NREP: variants seen among roughly 807,000 people sequenced by gnomAD.
NREP encodes neuronal regeneration related protein, also known as neuronal regeneration-related protein.
NREP carries 5 observed loss-of-function variants against 8.6 expected under a neutral mutation model. The ratio of observed to expected loss-of-function variants is 0.58; its 90% CI spans 0.30 to 1.22. NREP has a LOEUF of 1.22. Among genes scored for constraint, NREP ranks in the 50% most tolerant of loss-of-function variants. The pLI, the probability that NREP is intolerant of heterozygous loss-of-function variation, is 0.07. For synonymous variants in NREP, 27 were observed against 28.0 expected, an observed-to-expected ratio of 0.96 and a Z score of 0.11; for missense variants, 86 against 82.5, an observed-to-expected ratio of 1.04 and a Z score of -0.17.
chr5:111,750,722 A>T (rs1227018772), intron 2 of NREP, among the ~76,000 whole-genome samples: 1 of 152,234 alleles, frequency 6.6e-6, no homozygotes, highest in African/African-American at 2.4e-5. Context: ...GAAGGCTAGA[A>T]AGTTCCAATA....
upstream of NREP, chr5:111,757,625 A>T: frequency 1.0e-6 from 1 of 982,712 alleles, no homozygotes; most frequent in Non-Finnish European, 1.2e-6. Context: ...GCGCCCCGAC[A>T]CCCCGCACCC....
At position 111,950,878 on chromosome 5, in the gene NREP, T is replaced by C. The variant is rs144956355; in HGVS notation, c.135+24396A>G. On this transcript the variant is annotated intron_variant, in intron 2 of 3. Coordinates refer to the NREP transcript ENST00000395634. ...AAAAAGGTCTAGGAAATAGTATGAG[T>C]ACTGCTTTACTCACCATTTGTGCAT... 2.5e-3 allele frequency among the ~76,000 whole-genome samples: 384 copies of C among 152,142 alleles called. 4 individuals are homozygous for C. Among genetic ancestry groups the C allele is most frequent in the African/African-American group, 8.6e-3 (359 of 41,532 alleles).
At chr5:111,873,012 T>C (rs1176216395) in intron 2 of NREP, among the ~76,000 whole-genome samples, 2 of 152,150 alleles carry the variant, frequency 1.3e-5, no homozygotes, top group African/African-American at 4.8e-5. Context: ...GTAGGTCGCA[T>C]CACTTATTTA....
At position 111,915,523 on chromosome 5, in the gene NREP, G is replaced by A. The variant is rs560401312; in HGVS notation, c.135+59751C>T. 1.1e-4 allele frequency among the ~76,000 whole-genome samples: 16 copies of A among 152,054 alleles called. No homozygotes were observed. In the East Asian group the frequency reaches 3.1e-3, roughly 30 times the overall value. On this transcript the variant is annotated intron_variant, in intron 2 of 3. Transcript: ENST00000395634. ...GGAAACCGGAACTCAAAAGCACTTA[G>A]GTCCTAGTGCCTCTCTTCCAACCAT... is the stretch of plus-strand genomic sequence containing the variant.
intron 2 of NREP, among the ~76,000 whole-genome samples, chr5:111,833,882 C>A (rs368186982): frequency 2.5e-4 from 38 of 152,276 alleles, no homozygotes; most frequent in African/African-American, 7.9e-4. Flanking sequence ...GCACTGAATT[C>A]CTTTGTTTCA....
chr5:111,792,969 G>A (rs959068570), intron 2 of NREP, among the ~76,000 whole-genome samples: 1 of 152,100 alleles, frequency 6.6e-6, no homozygotes, highest in Non-Finnish European at 1.5e-5. Flanking sequence ...GCTTTTGGAA[G>A]TTGAACATCA....
intron 2 of NREP, among the ~76,000 whole-genome samples, chr5:111,858,835 C>T (rs1332279362): frequency 6.6e-6 from 1 of 152,104 alleles, no homozygotes; most frequent in Non-Finnish European, 1.5e-5. Context: ...ATGCTCCAAA[C>T]AACCTTACGA....
intron 2 of NREP, among the ~76,000 whole-genome samples, chr5:111,954,490 C>CT: frequency 6.6e-6 from 1 of 152,064 alleles, no homozygotes; most frequent in Non-Finnish European, 1.5e-5. Flanking sequence ...AAGAGTGGTA[C>CT]TTTTTTAGAA....
Position 111,975,391 on chromosome 5 carries a change from C to T in NREP, c.31-13G>A, listed in dbSNP as rs766834241. ...CTTCTCTTCGGCTCTGCAGACAAGA[C>T]ACATGGTAGAAAACGTGAGCACTGA... On this transcript the variant is annotated splice_polypyrimidine_tract_variant and intron_variant, in intron 1 of 3. Coordinates refer to the NREP transcript ENST00000395634. 3.6e-5 allele frequency: 56 copies of T among 1,547,874 alleles called. No homozygotes were observed. The East Asian group carries it at 7.3e-4, about 20-fold the overall frequency.
At chr5:111,941,431 CCT>C (rs1014907257) in intron 2 of NREP, among the ~76,000 whole-genome samples, 1 of 151,982 alleles carries the variant, frequency 6.6e-6, no homozygotes, top group Non-Finnish European at 1.5e-5. Flanking sequence ...TCTTCTGAGG[CCT>C]CTCTCATTGG....
chr5:111,873,049 G>T (rs1753825448), intron 2 of NREP, among the ~76,000 whole-genome samples: 1 of 152,110 alleles, frequency 6.6e-6, no homozygotes, highest in Non-Finnish European at 1.5e-5. Flanking sequence ...GAGCTACTAA[G>T]CCTTCATTTG....
At chr5:111,802,680 A>G (rs1424047615) in intron 2 of NREP, among the ~76,000 whole-genome samples, 3 of 152,260 alleles carry the variant, frequency 2.0e-5, no homozygotes, top group Admixed American at 1.3e-4. Flanking sequence ...CATGTCTTTC[A>G]GCACATGTTA....
chr5:111,796,386 T>C (rs1206163469), intron 2 of NREP, among the ~76,000 whole-genome samples: 1 of 152,212 alleles, frequency 6.6e-6, no homozygotes, highest in Non-Finnish European at 1.5e-5. Context: ...CCCTTTGCCA[T>C]GTAAGATAAC....
chr5:111,852,660 G>A (rs759871303), intron 2 of NREP, among the ~76,000 whole-genome samples: 6 of 152,076 alleles, frequency 3.9e-5, no homozygotes, highest in East Asian at 1.9e-4. Context: ...TCCATTTTTT[G>A]TGGGGGAGGG....
At position 111,776,596 on chromosome 5, in the gene NREP, T is replaced by C. The variant is rs200514702; in HGVS notation, c.136-41089A>G. 2.0e-5 allele frequency among the ~76,000 whole-genome samples: 3 copies of C among 152,162 alleles called. 1 individual carries two copies. In the East Asian group the frequency reaches 5.8e-4, roughly 29 times the overall value. On this transcript the variant is annotated intron_variant, in intron 2 of 3. Coordinates refer to the NREP transcript ENST00000395634. ...CATCAACAAGAGAATGAATAAATAGTCGTCGATTCATACAATGGAATAATA... is the reference window on the plus strand; with the variant it reads ...CATCAACAAGAGAATGAATAAATAGCCGTCGATTCATACAATGGAATAATA...
At chr5:111,952,602 T>G (rs1756191883) in intron 2 of NREP, among the ~76,000 whole-genome samples, 1 of 152,076 alleles carries the variant, frequency 6.6e-6, no homozygotes, top group Non-Finnish European at 1.5e-5. Flanking sequence ...GAAGAAAGAA[T>G]CTCCTGTGTG....
In NREP at chr5:111,861,401, G is replaced by C. The variant is rs187291568; in HGVS notation, c.135+113873C>G. Among the ~76,000 whole-genome samples, 25 of 152,262 alleles carry C rather than the reference G, an allele frequency of 1.6e-4. 1 individual carries two copies. The highest frequency in any genetic ancestry group is 5.8e-4 in the African/African-American group (24 of 41,568). Reference sequence around the variant, plus strand: ...AAGAAGGTGCTAAAGGCAAAGAGAAGCTGATGCCATCCACCTAAAGACTCA... The same window carrying C: ...AAGAAGGTGCTAAAGGCAAAGAGAACCTGATGCCATCCACCTAAAGACTCA... On this transcript the variant is annotated intron_variant, in intron 2 of 3. Coordinates refer to the NREP transcript ENST00000395634.
intron 2 of NREP, among the ~76,000 whole-genome samples, chr5:111,887,768 T>C (rs943020119): frequency 2.0e-5 from 3 of 152,204 alleles, no homozygotes; most frequent in African/African-American, 7.2e-5. Flanking sequence ...GGCATTGCTG[T>C]TGAGATGTAG....
intron 2 of NREP, among the ~76,000 whole-genome samples, chr5:111,965,817 T>C (rs763071408): frequency 6.6e-6 from 1 of 152,212 alleles, no homozygotes; most frequent in Non-Finnish European, 1.5e-5. Context: ...AATATTTTGT[T>C]TGTATTGGGA....
Sources: gnomAD v4.1 joint callset for allele counts (sites outside exome capture counted in the v4.1 genomes callset) on GRCh38, gnomAD v4.1.1 for gene constraint, MANE v1.5 for transcripts, NCBI Gene and HGNC (gene_info 2026-07-23, HGNC 2026-07-21) for gene names.